ZNF83: variants seen among roughly 807,000 people sequenced by gnomAD.
The protein encoded by ZNF83 is zinc finger protein 83, also known as zinc finger protein 816B.
For missense variants in ZNF83, 552 were observed against 629.9 expected, an observed-to-expected ratio of 0.88 and a Z score of 1.32; for synonymous variants, 209 against 213.0, an observed-to-expected ratio of 0.98 and a Z score of 0.17.
intron 2 of ZNF83, among the ~76,000 whole-genome samples, chr19:52,629,111 T>TAA (rs1038594061): frequency 6.6e-6 from 1 of 152,082 alleles, no homozygotes; most frequent in African/African-American, 2.4e-5. Flanking sequence ...TCACCTGACC[T>TAA]AAAATCTAAG....
chr19:52,623,053 AGGAATGCCTGCAGCCAG>A (rs1162974687), intron 2 of ZNF83, among the ~76,000 whole-genome samples: 1 of 152,214 alleles, frequency 6.6e-6, no homozygotes, highest in Non-Finnish European at 1.5e-5. Context: ...CACTGGGCCA[AGGAATGCCTGCAGCCAG>A]GGATTCCTCC....
chr19:52,652,353 T>C (rs2061452805), intron 3 of ZNF83: 1 of 301,106 alleles, frequency 3.3e-6, no homozygotes, highest in South Asian at 3.0e-5. Context: ...GAGAATCGTA[T>C]GAACCTGGGA....
chr19:52,644,152 G>A (rs1319225193), intron 3 of ZNF83, among the ~76,000 whole-genome samples: 1 of 151,486 alleles, frequency 6.6e-6, no homozygotes, highest in African/African-American at 2.4e-5. Context: ...CTGTGTCTGA[G>A]TCTACAACTC....
At chr19:52,640,531 C>CT (rs2061287834), upstream of ZNF83, among the ~76,000 whole-genome samples, 1 of 152,130 alleles carries the variant, frequency 6.6e-6, no homozygotes, top group Non-Finnish European at 1.5e-5. Context: ...CAGGAAAACT[C>CT]TTTTTTGTTT....
intron 2 of ZNF83, among the ~76,000 whole-genome samples, chr19:52,656,252 G>A (rs2061503809): frequency 6.6e-6 from 1 of 151,400 alleles, no homozygotes; most frequent in Non-Finnish European, 1.5e-5. Flanking sequence ...CCAGGCATGG[G>A]GGCTCACACC....
At chr19:52,616,484 T>C (rs746932755) in intron 2 of ZNF83, among the ~76,000 whole-genome samples, 2 of 152,112 alleles carry the variant, frequency 1.3e-5, no homozygotes, top group Non-Finnish European at 2.9e-5. Context: ...CAAATGCCCA[T>C]CAAGGATATA....
chr19:52,637,291 C>T (rs1380970098), intron 1 of ZNF83, among the ~76,000 whole-genome samples: 1 of 152,082 alleles, frequency 6.6e-6, no homozygotes, highest in Non-Finnish European at 1.5e-5. Context: ...TACCCCCTGT[C>T]CCCAATATGT....
chr19:52,686,935 A>C (rs1324066277), intron 1 of ZNF83, among the ~76,000 whole-genome samples: 1 of 151,974 alleles, frequency 6.6e-6, no homozygotes, highest in Non-Finnish European at 1.5e-5. Context: ...TAATCCCAGC[A>C]CTTTGGGAGA....
intron 1 of ZNF83, chr19:52,674,148 G>A (rs1193465387): frequency 6.6e-6 from 1 of 151,748 alleles, no homozygotes; most frequent in Non-Finnish European, 1.5e-5. Context: ...GCCCTCAAAT[G>A]AACTCTTGGG....
At chr19:52,628,030 C>G (rs993636381) in intron 2 of ZNF83, among the ~76,000 whole-genome samples, 1 of 150,678 alleles carries the variant, frequency 6.6e-6, no homozygotes. Context: ...CAGAGAACAA[C>G]CCCCCTTTTT....
intron 1 of ZNF83, among the ~76,000 whole-genome samples, chr19:52,672,253 T>A (rs898069574): frequency 1.3e-5 from 2 of 152,112 alleles, no homozygotes; most frequent in Non-Finnish European, 2.9e-5. Flanking sequence ...AAAATAAAAA[T>A]AAAATGAAAT....
intron 3 of ZNF83, chr19:52,650,876 A>G (rs1023943261): frequency 4.6e-5 from 7 of 152,244 alleles, no homozygotes; most frequent in Non-Finnish European, 5.9e-5. Flanking sequence ...AGCTACATCA[A>G]TGCTAATGAG....
rs1437157455 is a variant in ZNF83, at chr19:52,687,587, T to C, written c.-283+2856A>G. Among the ~76,000 whole-genome samples the C allele has an allele frequency of 4.4e-4, 20 of 45,356 alleles. No homozygotes were observed. In the African/African-American group the frequency reaches 4.7e-3, roughly 11 times the overall value. The allele number at this position is 45,356 out of a possible 152,430, so 29.8% of individuals were successfully genotyped here. A position where few individuals can be genotyped will look rare whatever the true frequency, so the allele number is the denominator to read the frequency against. ...TATATATATATAAATTTTATATATA[T>C]ATATATATAATGTATATATATATAA... On this transcript the variant is annotated intron_variant, in intron 1 of 5. Transcript: ENST00000594682.
intron 1 of ZNF83, among the ~76,000 whole-genome samples, chr19:52,686,762 G>A (rs1365813153): frequency 6.6e-6 from 1 of 151,952 alleles, no homozygotes; most frequent in Non-Finnish European, 1.5e-5. Context: ...TCATAGAGAC[G>A]GCGTTTCACC....
intron 1 of ZNF83, among the ~76,000 whole-genome samples, chr19:52,688,693 C>T (rs980490540): frequency 6.6e-6 from 1 of 152,036 alleles, no homozygotes; most frequent in Non-Finnish European, 1.5e-5. Flanking sequence ...GCTCTTCTCC[C>T]CAATCTTTTG....
chr19:52,666,801 C>T, intron 1 of ZNF83, among the ~76,000 whole-genome samples: 1 of 152,140 alleles, frequency 6.6e-6, no homozygotes, highest in African/African-American at 2.4e-5. Flanking sequence ...TCTGACCAGG[C>T]CTAGGAGGAA....
chr19:52,623,686 C>G (rs1464669573), intron 2 of ZNF83, among the ~76,000 whole-genome samples: 1 of 151,904 alleles, frequency 6.6e-6, no homozygotes, highest in South Asian at 2.1e-4. Flanking sequence ...GATCACACAC[C>G]CATACCTAAT....
chr19:52,614,094 G>T (rs984131647), exon 3 of ZNF83: 3 of 1,613,478 alleles, frequency 1.9e-6, no homozygotes, highest in Non-Finnish European at 2.5e-6. Flanking sequence ...TATTATGGAA[G>T]ACCTTGCCAC....
rs1265462978 is a variant in ZNF83, at chr19:52,653,113, C to G, written c.-74+2448G>C. ...CTTATGAATTAGAAGGGATGAATTT[C>G]GAGCAAAGGTCTTGCCACACTCATG... On this transcript the variant is annotated intron_variant, in intron 3 of 5. Transcript: ENST00000594682. The G allele has an allele frequency of 3.2e-5, 46 of 1,454,170 alleles. No individual in the cohort carries two copies. The South Asian group carries it at 5.1e-4, about 16-fold the overall frequency. 90.1% of individuals were successfully genotyped at this position (1,454,170 alleles called of 1,614,324 possible). A position where few individuals can be genotyped will look rare whatever the true frequency, so the allele number is the denominator to read the frequency against.
Sources: allele counts gnomAD v4.1 joint callset (sites outside exome capture counted in the v4.1 genomes callset), GRCh38; gene constraint gnomAD v4.1.1; transcripts MANE v1.5; gene names NCBI Gene and HGNC (gene_info 2026-07-23, HGNC 2026-07-21).